Variants in OSBP2 observed in about 807,000 individuals in gnomAD.
OSBP2 encodes oxysterol-binding protein 2.
In OSBP2, 66 loss-of-function variants were observed where a neutral mutation model predicts 96.0. The ratio of observed to expected loss-of-function variants is 0.69; its 90% CI spans 0.56 to 0.84. The LOEUF (loss-of-function observed/expected upper bound fraction) is 0.84. Among genes scored for constraint, OSBP2 ranks in the 40% least tolerant of loss-of-function variants. OSBP2 has a pLI of 0.00. For synonymous variants in OSBP2, 525 were observed against 520.9 expected, an observed-to-expected ratio of 1.01 and a Z score of -0.11; for missense variants, 1,038 against 1,222.7, an observed-to-expected ratio of 0.85 and a Z score of 2.25.
Position 30,695,488 on chromosome 22 carries a change from C to T in OSBP2, c.579C>T (p.Thr193=). Reference sequence around the variant, plus strand: ...TCGAGGGCTGGCTTCTCAAGTGGACCAACTATCTGAAGGGCTACCAGCGCC... The same window carrying T: ...TCGAGGGCTGGCTTCTCAAGTGGACTAACTATCTGAAGGGCTACCAGCGCC... ...DSFEGWLLKW[T]NYLKGYQRRW... Residue 193 remains threonine (T), a synonymous_variant, in exon 1 of 14, where the codon ACC becomes ACT. Coordinates refer to ENST00000332585, the MANE Select transcript of OSBP2 (RefSeq NM_030758.4). 1 of 1,613,264 alleles carries T rather than the reference C, an allele frequency of 6.2e-7. No individual in the cohort carries two copies. Among genetic ancestry groups the T allele is most frequent in the East Asian group, 2.2e-5 (1 of 44,880 alleles).
chr22:30,776,115 C>CTTTTTTTTTTT (rs66689098), intron 2 of OSBP2, among the ~76,000 whole-genome samples: 1 of 139,506 alleles, frequency 7.2e-6, no homozygotes, highest in African/African-American at 2.7e-5. Flanking sequence ...TTTTTCTTTT[C>CTTTTTTTTTTT]TTTTTTTTTT....
chr22:30,876,790 A>G (rs1481144025), intron 3 of OSBP2, among the ~76,000 whole-genome samples: 2 of 152,190 alleles, frequency 1.3e-5, no homozygotes, highest in Admixed American at 1.3e-4. Context: ...AGGCTTACGC[A>G]TAGGGAGACC....
At chr22:30,889,440 G>A (rs373398366) in intron 6 of OSBP2, 50 bp from the exon 7 acceptor site, 5 of 1,608,340 alleles carry the variant, frequency 3.1e-6, no homozygotes, top group Non-Finnish European at 4.3e-6. Context: ...GAAGCCAAGG[G>A]GGCGCTCTGG....
At chr22:30,736,062 C>T (rs557941839) in intron 1 of OSBP2, among the ~76,000 whole-genome samples, 4 of 152,230 alleles carry the variant, frequency 2.6e-5, no homozygotes, top group South Asian at 4.1e-4. Flanking sequence ...TACAGCTACA[C>T]ACCACCATGC....
At chr22:30,714,250 A>G (rs2089407540) in intron 1 of OSBP2, among the ~76,000 whole-genome samples, 1 of 152,108 alleles carries the variant, frequency 6.6e-6, no homozygotes, top group Non-Finnish European at 1.5e-5. Flanking sequence ...ATTCTTTTTT[A>G]ATGGCTGAAT....
At position 30,906,458 on chromosome 22, in the gene OSBP2, T is replaced by C; in HGVS notation, c.*119T>C. 8.0e-7 allele frequency: 1 copy of C among 1,254,878 alleles called. No individual in the cohort carries two copies. Among genetic ancestry groups the C allele is most frequent in the Admixed American group, 3.0e-5 (1 of 33,280 alleles). 77.7% of individuals were successfully genotyped at this position (1,254,878 alleles called of 1,614,324 possible). A position where few individuals can be genotyped will look rare whatever the true frequency, so the allele number is the denominator to read the frequency against. ...CCCATTCCCAGCCCTTCCTATTTCC[T>C]TTCCTATTTTTTTTTTCTCCCCACA... On this transcript the variant is annotated 3_prime_UTR_variant, in exon 14 of 14. Coordinates refer to ENST00000332585, the MANE Select transcript of OSBP2 (RefSeq NM_030758.4).
At position 30,898,431 on chromosome 22, in the gene OSBP2, A is replaced by G. The variant is rs758820992; in HGVS notation, c.2375+4430A>G. On this transcript the variant is annotated intron_variant, in intron 12 of 13. Coordinates refer to ENST00000332585, the MANE Select transcript of OSBP2 (RefSeq NM_030758.4). ...GTATTCCATTTTCACACTGCTATAA[A>G]GATACCACCAGAGACTGGGTAATTT... Among the ~76,000 whole-genome samples the G allele has an allele frequency of 2.6e-5, 4 of 152,344 alleles. 1 individual carries two copies. Among genetic ancestry groups the G allele is most frequent in the Middle Eastern group, 6.8e-3 (2 of 294 alleles).
At chr22:30,769,641 T>C (rs1181337888) in intron 2 of OSBP2, among the ~76,000 whole-genome samples, 1 of 152,044 alleles carries the variant, frequency 6.6e-6, no homozygotes, top group African/African-American at 2.4e-5. Context: ...AGAGAGAGAC[T>C]CCATCTCAAA....
chr22:30,867,474 A>G (rs1434690899), intron 2 of OSBP2, among the ~76,000 whole-genome samples: 2 of 152,026 alleles, frequency 1.3e-5, no homozygotes, highest in Admixed American at 6.5e-5. Context: ...TCACTCACTC[A>G]TTCACTCATT....
intron 2 of OSBP2, among the ~76,000 whole-genome samples, chr22:30,801,155 C>T (rs150323386): frequency 9.2e-5 from 14 of 152,176 alleles, no homozygotes; most frequent in African/African-American, 3.1e-4. Context: ...GATTGTGTAC[C>T]CTGTCCCCAC....
chr22:30,884,093 C>T (rs1453360368), intron 3 of OSBP2, among the ~76,000 whole-genome samples: 1 of 152,196 alleles, frequency 6.6e-6, no homozygotes, highest in Non-Finnish European at 1.5e-5. Flanking sequence ...TGACTGCAGT[C>T]CCACACCCAA....
chr22:30,711,623 C>T (rs1052529294), intron 1 of OSBP2, among the ~76,000 whole-genome samples: 6 of 151,552 alleles, frequency 4.0e-5, no homozygotes, highest in Admixed American at 6.6e-5. Flanking sequence ...GCCTGTGGTC[C>T]GAGCTACTCA....
chr22:30,815,107 C>A (rs1021216791), intron 2 of OSBP2, among the ~76,000 whole-genome samples: 2 of 152,148 alleles, frequency 1.3e-5, no homozygotes, highest in African/African-American at 4.8e-5. Context: ...CGTGGTGAAA[C>A]CCCATCTCTA....
rs375434954 is a variant in OSBP2 at position 30,893,504 on chromosome 22, G to A, written c.2032G>A (p.Val678Met). 69 of 1,614,076 alleles carry A rather than the reference G, an allele frequency of 4.3e-5. No homozygotes were observed. Among genetic ancestry groups the A allele is most frequent in the Admixed American group, 2.3e-4 (14 of 60,010 alleles). ...ATTCCAGGCCAGTGGGAATCACTAC[G>A]TGTGGAGGAAGAGCACCTCAACTGT... ...LEFQASGNHY[V>M]WRKSTSTVHN... The change falls in exon 10 of 14, where the codon GTG becomes ATG. Residue 678 changes from valine (V) to methionine (M), a missense_variant. This residue lies in a region of OSBP2 where 737 missense variants were observed against 913.3 expected (regional missense o/e 0.81). Transcript: ENST00000332585.
intron 2 of OSBP2, among the ~76,000 whole-genome samples, chr22:30,797,502 T>C (rs1298050903): frequency 1.3e-5 from 2 of 152,180 alleles, no homozygotes; most frequent in Non-Finnish European, 2.9e-5. Context: ...CAGGCTGGTC[T>C]CAAACTCCTG....
chr22:30,864,326 G>A (rs1338572185), intron 2 of OSBP2, among the ~76,000 whole-genome samples: 4 of 152,170 alleles, frequency 2.6e-5, no homozygotes, highest in Admixed American at 2.6e-4. Flanking sequence ...CCAGTGCTGG[G>A]GAGCCCAAAG....
intron 2 of OSBP2, among the ~76,000 whole-genome samples, chr22:30,752,707 G>A (rs1208642680): frequency 2.0e-5 from 3 of 152,116 alleles, no homozygotes; most frequent in East Asian, 3.9e-4. Context: ...CCTGGATCAA[G>A]GAAAAGACCT....
chr22:30,778,064 C>T (rs1286079778), intron 2 of OSBP2, among the ~76,000 whole-genome samples: 1 of 151,702 alleles, frequency 6.6e-6, no homozygotes, highest in Non-Finnish European at 1.5e-5. Flanking sequence ...GGTGCAATCT[C>T]GGTTCACTGC....
chr22:30,708,826 G>C (rs902819929), intron 1 of OSBP2, among the ~76,000 whole-genome samples: 3 of 151,510 alleles, frequency 2.0e-5, no homozygotes, highest in Non-Finnish European at 4.4e-5. Flanking sequence ...ACAGGCCAGG[G>C]GGGTTGGCTC....
Sources: allele counts gnomAD v4.1 joint callset (sites outside exome capture counted in the v4.1 genomes callset), GRCh38; gene constraint gnomAD v4.1.1; regional missense constraint gnomAD v4.1.1; transcripts MANE v1.5; gene names NCBI Gene and HGNC (gene_info 2026-07-23, HGNC 2026-07-21).